Variants in PCDHA4 observed in about 807,000 individuals in gnomAD.
PCDHA4 encodes protocadherin alpha 4, also known as protocadherin alpha-4.
A neutral mutation model predicts 61.4 loss-of-function variants in PCDHA4; 49 were observed. That is an observed-to-expected ratio of 0.80 (90% confidence interval 0.63 to 1.01). The LOEUF (loss-of-function observed/expected upper bound fraction) is 1.01. Ranked by LOEUF, PCDHA4 falls within the 50% of genes least tolerant of loss-of-function variation. PCDHA4 has a pLI of 0.00. For synonymous variants in PCDHA4, 590 were observed against 550.3 expected (o/e 1.07, Z -1.01); for missense variants, 1,254 against 1,235.8 (o/e 1.01, Z -0.22).
intron 1 of PCDHA4, chr5:140,853,207 G>A: frequency 2.0e-6 from 2 of 983,504 alleles, no homozygotes; most frequent in Non-Finnish European, 2.5e-6. Context: ...ATTGACGGCT[G>A]TATTGATGGG....
intron 1 of PCDHA4, chr5:140,843,264 T>C (rs1188408324): frequency 6.3e-7 from 1 of 1,595,962 alleles, no homozygotes; most frequent in Admixed American, 1.7e-5. Flanking sequence ...CACCGTCTGC[T>C]GGTCCTGGTG....
intron 1 of PCDHA4, chr5:140,862,887 G>C (rs781965401): frequency 2.7e-5 from 15 of 562,992 alleles, no homozygotes; most frequent in South Asian, 1.8e-4. Flanking sequence ...GTGCTGGAAC[G>C]ACAACTTTGT....
At chr5:140,858,305 C>G (rs782690239) in intron 1 of PCDHA4, 1 of 1,597,172 alleles carries the variant, frequency 6.3e-7, no homozygotes, top group South Asian at 1.1e-5. Flanking sequence ...GCAGCAGAGG[C>G]GGCAGAGGGT....
intron 1 of PCDHA4, chr5:140,871,260 G>A: frequency 1.9e-6 from 3 of 1,613,980 alleles, no homozygotes; most frequent in South Asian, 1.1e-5. Flanking sequence ...TGTATACGGC[G>A]CTGTGGTGGT....
intron 1 of PCDHA4, chr5:140,857,701 G>A (rs1043829375): frequency 4.4e-6 from 7 of 1,597,352 alleles, no homozygotes; most frequent in Non-Finnish European, 6.0e-6. Flanking sequence ...TGACGCTGCA[G>A]GTGTTCGTGC....
intron 1 of PCDHA4, among the ~76,000 whole-genome samples, chr5:140,953,120 C>T (rs2094851215): frequency 6.6e-6 from 1 of 152,154 alleles, no homozygotes; most frequent in South Asian, 2.1e-4. Context: ...GGACACAGAT[C>T]TAAACCGTAT....
At chr5:140,856,822 A>G (rs1554149161) in intron 1 of PCDHA4, 4 of 1,593,030 alleles carry the variant, frequency 2.5e-6, no homozygotes, top group Non-Finnish European at 1.7e-6. Flanking sequence ...TGAACCAAAC[A>G]TTAGTAATAC....
chr5:140,955,976 G>A (rs2095244273), intron 1 of PCDHA4, among the ~76,000 whole-genome samples: 1 of 152,180 alleles, frequency 6.6e-6, no homozygotes, highest in South Asian at 2.1e-4. Flanking sequence ...AGGAATGCTA[G>A]CAATTTTTGC....
chr5:140,986,736 A>C (rs1056820843), intron 3 of PCDHA4, among the ~76,000 whole-genome samples: 1 of 152,206 alleles, frequency 6.6e-6, no homozygotes, highest in South Asian at 2.1e-4. Context: ...TCAAGACCCC[A>C]GGGGATCTGG....
At chr5:140,893,616 G>C (rs1431019657) in intron 1 of PCDHA4, among the ~76,000 whole-genome samples, 3 of 152,188 alleles carry the variant, frequency 2.0e-5, no homozygotes, top group African/African-American at 7.2e-5. Context: ...CATTTCTGAA[G>C]TATAGCTCTG....
At chr5:140,895,912 A>G (rs1215168324) in intron 1 of PCDHA4, among the ~76,000 whole-genome samples, 1 of 152,146 alleles carries the variant, frequency 6.6e-6, no homozygotes, top group African/African-American at 2.4e-5. Context: ...CCCGGGCTCA[A>G]CAATTATCCT....
intron 1 of PCDHA4, chr5:140,856,917 G>C (rs782649806): frequency 6.3e-7 from 1 of 1,595,592 alleles, no homozygotes; most frequent in Non-Finnish European, 8.6e-7. Context: ...ACGATAAGAA[G>C]GAAATTTTGG....
At chr5:140,995,214 C>T (rs1193715389) in intron 3 of PCDHA4, among the ~76,000 whole-genome samples, 2 of 152,136 alleles carry the variant, frequency 1.3e-5, no homozygotes, top group Admixed American at 6.6e-5. Flanking sequence ...AGGCACAATA[C>T]TCTTGTGCTT....
At chr5:140,969,584 G>C in intron 1 of PCDHA4, 1 of 907,936 alleles carries the variant, frequency 1.1e-6, no homozygotes, top group Non-Finnish European at 1.6e-6. Context: ...GTGAGGATTA[G>C]TCTTAATATT....
intron 1 of PCDHA4, among the ~76,000 whole-genome samples, chr5:140,914,826 CA>C: frequency 6.6e-6 from 1 of 151,812 alleles, no homozygotes; most frequent in East Asian, 1.9e-4. Context: ...ACTGCATAAA[CA>C]AAAAACAAAC....
At chr5:140,983,272 G>A (rs2097037556) in intron 3 of PCDHA4, among the ~76,000 whole-genome samples, 1 of 152,176 alleles carries the variant, frequency 6.6e-6, no homozygotes, top group African/African-American at 2.4e-5. Context: ...TAATGGCTGG[G>A]TGAGTATAGG....
Position 140,845,229 on chromosome 5 carries a change from T to A in PCDHA4, c.2385+35657T>A, listed in dbSNP as rs189699970. Among the ~76,000 whole-genome samples, 147 of 149,698 alleles carry A rather than the reference T, an allele frequency of 9.8e-4. 9 individuals are homozygous for A. The highest frequency in any genetic ancestry group is 3.4e-3 in the African/African-American group (141 of 40,992). ...TAAGTCCTTTTAAAAAATATGATTA[T>A]CTTTATTATCCTGTTTGAATAATAT... On this transcript the variant is annotated intron_variant, in intron 1 of 3. Coordinates refer to ENST00000530339, the MANE Select transcript of PCDHA4 (RefSeq NM_018907.4).
At chr5:140,871,451 A>T in intron 1 of PCDHA4, 1 of 1,608,630 alleles carries the variant, frequency 6.2e-7, no homozygotes, top group Non-Finnish European at 8.5e-7. Context: ...AATAAAGAGG[A>T]GGAAGGGGAA....
chr5:140,877,558 A>T, intron 1 of PCDHA4: 1 of 1,613,746 alleles, frequency 6.2e-7, no homozygotes, highest in Non-Finnish European at 8.5e-7. Flanking sequence ...TCTGGTGGAT[A>T]TTAACGTGTA....
Sources: allele counts gnomAD v4.1 joint callset (sites outside exome capture counted in the v4.1 genomes callset), GRCh38; gene constraint gnomAD v4.1.1; transcripts MANE v1.5; gene names NCBI Gene and HGNC (gene_info 2026-07-23, HGNC 2026-07-21).